Variants in TRMT1L observed in about 807,000 individuals in gnomAD.
TRMT1L encodes the protein tRNA methyltransferase 1L.
A neutral mutation model predicts 81.6 loss-of-function variants in TRMT1L; 28 were observed. That is an observed-to-expected ratio of 0.34 (90% CI 0.25 to 0.47). The LOEUF is 0.47. Ranked by LOEUF, TRMT1L falls within the 20% of genes least tolerant of loss-of-function variation. The pLI, the probability that TRMT1L is intolerant of heterozygous loss-of-function variation, is 1.00. For missense variants in TRMT1L, 739 were observed against 877.1 expected (o/e 0.84, Z 1.99); for synonymous variants, 301 against 303.2 (o/e 0.99, Z 0.07).
At chr1:185,134,225 G>A (rs1449713848) in intron 10 of TRMT1L, among the ~76,000 whole-genome samples, 1 of 151,312 alleles carries the variant, frequency 6.6e-6, no homozygotes, top group South Asian at 2.1e-4. Context: ...CTCTGTCACC[G>A]AGGCTGGAGT....
chr1:185,146,466 A>G (rs987809916), intron 4 of TRMT1L, among the ~76,000 whole-genome samples: 4 of 151,976 alleles, frequency 2.6e-5, no homozygotes, highest in African/African-American at 9.7e-5. Flanking sequence ...GAAGCACATT[A>G]CCCAAGGTTC....
intron 8 of TRMT1L, 73 bp from the exon 9 acceptor site, chr1:185,139,652 A>G: frequency 9.7e-7 from 1 of 1,027,940 alleles, no homozygotes; most frequent in East Asian, 2.6e-5. Flanking sequence ...AATTATTTCT[A>G]ATTATAAAAT....
At chr1:185,130,837 AGT>A (rs1030763079) in intron 10 of TRMT1L, among the ~76,000 whole-genome samples, 1 of 152,088 alleles carries the variant, frequency 6.6e-6, no homozygotes, top group Non-Finnish European at 1.5e-5. Context: ...CTCTGTCCCC[AGT>A]GTGGCTCTCC....
At chr1:185,123,319 C>T (rs546034471) in intron 13 of TRMT1L, among the ~76,000 whole-genome samples, 1 of 152,120 alleles carries the variant, frequency 6.6e-6, no homozygotes, top group South Asian at 2.1e-4. Flanking sequence ...TTTTAAAAAG[C>T]AAAACAAAAC....
At position 185,119,115 on chromosome 1, in the gene TRMT1L, AC is replaced by A. The variant is rs1347616540; in HGVS notation, c.*903del. The A allele has an allele frequency of 6.6e-6, 1 of 152,092 alleles. No individual in the cohort carries two copies. Among genetic ancestry groups the A allele is most frequent in the African/African-American group, 2.4e-5 (1 of 41,430 alleles). 9.4% of individuals were successfully genotyped at this position (152,092 alleles called of 1,614,324 possible). On this transcript the variant is annotated 3_prime_UTR_variant, in exon 15 of 15. Coordinates refer to ENST00000367506, the MANE Select transcript of TRMT1L (RefSeq NM_030934.5). ...AATTATACAGAAAATTTATACAAAT[AC>A]ACACAAAACCAAAAATACCAAACCA...
rs747496224 is a variant in TRMT1L, at chr1:185,119,155, AAAC to A, written c.*861_*863del. 3 of 151,892 alleles carry A rather than the reference AAAC, an allele frequency of 2.0e-5. No homozygotes were observed. The highest frequency in any genetic ancestry group is 2.0e-4 in the Admixed American group (3 of 15,250). The allele number at this position is 151,892 out of a possible 1,614,324, so 9.4% of individuals were successfully genotyped here. ...AATACCAAACCAAGCAACAACAAAA[AAAC>A]AACCCCCAAACCCAAAAACTCTCAT... is the stretch of plus-strand genomic sequence containing the variant. On this transcript the variant is annotated 3_prime_UTR_variant, in exon 15 of 15. Transcript: ENST00000367506.
intron 2 of TRMT1L, among the ~76,000 whole-genome samples, chr1:185,150,956 G>T (rs537727662): frequency 6.6e-6 from 1 of 152,196 alleles, no homozygotes; most frequent in African/African-American, 2.4e-5. Context: ...AAAAATGGAA[G>T]AAGGAAGTGG....
At position 185,154,643 on chromosome 1, in the gene TRMT1L, A is replaced by G. The variant is rs552337636; in HGVS notation, c.235+1835T>C. ...AAGACGTGCCTATTGAAATTATTCT[A>G]TTAAATAGCACAAAATAAGAGAAAG... On this transcript the variant is annotated intron_variant, in intron 1 of 14. Coordinates refer to ENST00000367506, the MANE Select transcript of TRMT1L (RefSeq NM_030934.5). 4.6e-5 allele frequency among the ~76,000 whole-genome samples: 7 copies of G among 152,364 alleles called. 1 individual carries two copies. The South Asian group carries it at 1.4e-3, about 32-fold the overall frequency.
At chr1:185,124,400 C>G (rs1266612793) in intron 12 of TRMT1L, among the ~76,000 whole-genome samples, 1 of 149,876 alleles carries the variant, frequency 6.7e-6, no homozygotes, top group Non-Finnish European at 1.5e-5. Flanking sequence ...AGGAGGTTAT[C>G]TTTAAAAAAA....
At chr1:185,143,510 G>T in intron 6 of TRMT1L, 74 bp from the exon 7 acceptor site, 1 of 1,315,530 alleles carries the variant, frequency 7.6e-7, no homozygotes, top group Non-Finnish European at 1.1e-6. Context: ...TTTAAGAATA[G>T]TGAACTGAAG....
chr1:185,119,412 C>G lies in TRMT1L; in HGVS notation c.*607G>C, dbSNP rs561716893. On this transcript the variant is annotated 3_prime_UTR_variant, in exon 15 of 15. Transcript: ENST00000367506. ...TTTAGTCATTTAGACCTTAAAGTTA[C>G]AAAAATAAAGTATTTCTATCTCAGG... The G allele has an allele frequency of 6.6e-6, 1 of 152,030 alleles. No homozygotes were observed. Among genetic ancestry groups the G allele is most frequent in the African/African-American group, 2.4e-5 (1 of 41,408 alleles). The allele number at this position is 152,030 out of a possible 1,614,324, so 9.4% of individuals were successfully genotyped here.
chr1:185,122,682 A>ATTTT (rs374716894), intron 13 of TRMT1L, among the ~76,000 whole-genome samples: 4 of 118,864 alleles, frequency 3.4e-5, no homozygotes, highest in Non-Finnish European at 3.4e-5. Context: ...CTTAAATCTA[A>ATTTT]TTTTTTTTTT....
At chr1:185,147,827 C>T (rs774582900) in intron 3 of TRMT1L, among the ~76,000 whole-genome samples, 5 of 152,172 alleles carry the variant, frequency 3.3e-5, no homozygotes, top group Non-Finnish European at 5.9e-5. Context: ...CAAATTAAAG[C>T]TCTAGGTACT....
Position 185,120,114 on chromosome 1 carries a change from T to C in TRMT1L, c.2107A>G (p.Ser703Gly), listed in dbSNP as rs1267029879. The stretch of plus-strand genomic sequence containing the variant: ...TCTTCAGATGCTGACTGGACATGGC[T>C]TTCTGACTGTCCTCCAGTGTAGGTG... The part of the protein sequence containing the change: ...TPTYTGGQSE[S>G]HVQSASEDTV... Residue 703 changes from serine (S) to glycine (G), a missense_variant, in exon 15 of 15, where the codon AGC becomes GGC. Transcript: ENST00000367506. 1 of 1,614,020 alleles carries C rather than the reference T, an allele frequency of 6.2e-7. No individual in the cohort carries two copies. The highest frequency in any genetic ancestry group is 1.1e-5 in the South Asian group (1 of 91,074).
chr1:185,141,384 T>A (rs987522774), intron 7 of TRMT1L, among the ~76,000 whole-genome samples: 1 of 152,138 alleles, frequency 6.6e-6, no homozygotes, highest in Non-Finnish European at 1.5e-5. Flanking sequence ...TCCTTAGATA[T>A]TAGCTTTAAT....
In TRMT1L at chr1:185,120,453, C is replaced by T; in HGVS notation, c.1879G>A (p.Val627Ile). The T allele has an allele frequency of 2.5e-6, 4 of 1,603,066 alleles. No homozygotes were observed. The highest frequency in any genetic ancestry group is 2.6e-6 in the Non-Finnish European group (3 of 1,175,962). Reference protein sequence around the residue: ...TNLGKKQKTDVSTEHPPFYYN... With the variant: ...TNLGKKQKTDISTEHPPFYYN... ...TAAAAGGGAGGATGTTCAGTACTGA[C>T]ATCAGTCTTTTGCTTCTTGCCTAAA... Residue 627 changes from valine (V) to isoleucine (I), a missense_variant, in exon 14 of 15, where the codon GTC becomes ATC. Physicochemically the swap from Val to Ile is conservative, Grantham distance 29. Transcript: ENST00000367506.
chr1:185,128,566 A>T, intron 11 of TRMT1L, 103 bp downstream of exon 11: 1 of 1,094,358 alleles, frequency 9.1e-7, no homozygotes, highest in Middle Eastern at 2.1e-4. Context: ...TAGACTTAAC[A>T]ATTGAATTTA....
At chr1:185,135,573 C>T (rs1652880881) in intron 10 of TRMT1L, among the ~76,000 whole-genome samples, 3 of 151,866 alleles carry the variant, frequency 2.0e-5, no homozygotes, top group African/African-American at 7.3e-5. Context: ...AATTATTAGA[C>T]AACACTTAGC....
At chr1:185,151,072 T>C (rs562933425) in intron 2 of TRMT1L, among the ~76,000 whole-genome samples, 1 of 152,330 alleles carries the variant, frequency 6.6e-6, no homozygotes, top group East Asian at 1.9e-4. Context: ...TTTATTAACA[T>C]ATTCTCAAAA....
Sources: allele counts gnomAD v4.1 joint callset (sites outside exome capture counted in the v4.1 genomes callset), GRCh38; gene constraint gnomAD v4.1.1; transcripts MANE v1.5; gene names NCBI Gene and HGNC (gene_info 2026-07-23, HGNC 2026-07-21).